The following PRSS12 variants were observed in gnomAD, a reference collection of about 807,000 sequenced individuals.
PRSS12 encodes neurotrypsin.
Under a neutral mutation model 104.4 loss-of-function variants are expected in PRSS12, and 85 were observed. The ratio of observed to expected loss-of-function variants is 0.81; its 90% CI spans 0.68 to 0.98. PRSS12 has a LOEUF of 0.98. Ranked by LOEUF, PRSS12 falls within the 50% of genes least tolerant of loss-of-function variation. The probability of loss-of-function intolerance (pLI) is 0.00; values close to 1 mark genes in which losing one functional copy is unlikely to be tolerated. For synonymous variants in PRSS12, 454 were observed against 425.2 expected (o/e 1.07, Z -0.83); for missense variants, 1,141 against 1,139.2 (o/e 1.00, Z -0.02).
chr4:118,282,266 T>C, intron 12 of PRSS12, 23 bp from the exon 13 acceptor site: 1 of 1,613,882 alleles, frequency 6.2e-7, no homozygotes, highest in Non-Finnish European at 8.5e-7. Context: ...AACATCTGAT[T>C]AGTGGCATTC....
chr4:118,330,812 C>T (rs1723898634), intron 4 of PRSS12, among the ~76,000 whole-genome samples: 1 of 152,046 alleles, frequency 6.6e-6, no homozygotes, highest in Non-Finnish European at 1.5e-5. Context: ...CTTTAAAATA[C>T]TTCAAATATA....
chr4:118,347,040 A>T (rs1274586888), intron 1 of PRSS12, among the ~76,000 whole-genome samples: 2 of 152,178 alleles, frequency 1.3e-5, no homozygotes, highest in African/African-American at 4.8e-5. Context: ...AATAGCTCAT[A>T]AAAGGCAATA....
chr4:118,343,464 A>T (rs1724267749), intron 1 of PRSS12, among the ~76,000 whole-genome samples: 1 of 152,182 alleles, frequency 6.6e-6, no homozygotes, highest in Non-Finnish European at 1.5e-5. Context: ...AGGAAACCTA[A>T]AAGAAATAGG....
At chr4:118,285,881 T>C (rs1028658805) in intron 11 of PRSS12, among the ~76,000 whole-genome samples, 3 of 152,190 alleles carry the variant, frequency 2.0e-5, no homozygotes, top group Admixed American at 6.6e-5. Context: ...TTTTCCATTC[T>C]GTAAGAAACA....
At chr4:118,320,832 G>C (rs1416595685) in intron 4 of PRSS12, among the ~76,000 whole-genome samples, 1 of 152,102 alleles carries the variant, frequency 6.6e-6, no homozygotes, top group Non-Finnish European at 1.5e-5. Flanking sequence ...CTCACTTTGA[G>C]TTTAAAATTC....
chr4:118,316,385 AT>A (rs1560775611), intron 5 of PRSS12, 62 bp from the exon 6 acceptor site: 3 of 1,600,554 alleles, frequency 1.9e-6, no homozygotes, highest in Non-Finnish European at 2.6e-6. Flanking sequence ...GCAAAACAAC[AT>A]TTGTATTTCA....
chr4:118,352,623 T>C lies in PRSS12; in HGVS notation c.98A>G (p.His33Arg). The C allele has an allele frequency of 6.2e-6, 10 of 1,611,234 alleles. No individual in the cohort carries two copies. Among genetic ancestry groups the C allele is most frequent in the Non-Finnish European group, 8.5e-6 (10 of 1,179,044 alleles). The change falls in exon 1 of 13, where the codon CAC becomes CGC. Residue 33 changes from histidine to arginine, a missense_variant. His to Arg is a conservative substitution (Grantham distance 29). Transcript: ENST00000296498. ...SVLNDSLHHS[H>R]RHSPPAGPHY... ...CGGACCCGCAGGGGGCGAATGGCGG[T>C]GGCTGTGGTGGAGGGAATCATTGAG...
rs1560768427 is a variant in PRSS12, at chr4:118,299,780, AAAATAAAATAAAAT to A, written c.1632-856_1632-843del. ...TAAATAAAATTAAATAAAATAAAAT[AAAATAAAATAAAAT>A]AAATAAAATAAAATAAATAAAATAA... On this transcript the variant is annotated intron_variant, in intron 8 of 12. Coordinates refer to ENST00000296498, the MANE Select transcript of PRSS12 (RefSeq NM_003619.4). 1.1e-4 allele frequency among the ~76,000 whole-genome samples: 8 copies of A among 73,276 alleles called. 1 individual carries two copies. The highest frequency in any genetic ancestry group is 2.9e-4 in the African/African-American group (7 of 24,500). The allele number at this position is 73,276 out of a possible 152,430, so 48.1% of individuals were successfully genotyped here. A position where few individuals can be genotyped will look rare whatever the true frequency, so the allele number is the denominator to read the frequency against.
At chr4:118,351,952 G>C (rs1413167659) in intron 1 of PRSS12, among the ~76,000 whole-genome samples, 1 of 152,038 alleles carries the variant, frequency 6.6e-6, no homozygotes. Flanking sequence ...CCAGAGGACA[G>C]AGCAAATTCA....
At chr4:118,327,505 C>A (rs570009331) in intron 4 of PRSS12, among the ~76,000 whole-genome samples, 1 of 152,016 alleles carries the variant, frequency 6.6e-6, no homozygotes, top group African/African-American at 2.4e-5. Flanking sequence ...TTCTACTACT[C>A]AATAATATGG....
At chr4:118,296,954 T>A (rs2126028611) in intron 9 of PRSS12, among the ~76,000 whole-genome samples, 1 of 152,284 alleles carries the variant, frequency 6.6e-6, no homozygotes, top group Middle Eastern at 3.4e-3. Context: ...AGGAATGATG[T>A]AATGTTTAAA....
chr4:118,334,857 T>C (rs1197751266), intron 3 of PRSS12, among the ~76,000 whole-genome samples: 1 of 152,154 alleles, frequency 6.6e-6, no homozygotes, highest in Non-Finnish European at 1.5e-5. Context: ...TACACCATGG[T>C]ACCCAGAAAA....
At chr4:118,322,227 T>A (rs187215820) in intron 4 of PRSS12, among the ~76,000 whole-genome samples, 1 of 152,194 alleles carries the variant, frequency 6.6e-6, no homozygotes, top group Non-Finnish European at 1.5e-5. Context: ...AGAAAAAATA[T>A]CCTCTCCCAG....
chr4:118,347,143 A>G (rs1250687501), intron 1 of PRSS12, among the ~76,000 whole-genome samples: 2 of 152,204 alleles, frequency 1.3e-5, no homozygotes, highest in Admixed American at 1.3e-4. Context: ...AGTATTTGAC[A>G]TCTGCCTTAG....
intron 5 of PRSS12, among the ~76,000 whole-genome samples, chr4:118,316,837 A>AAAAATATATATATATATATATATAT (rs35698159): frequency 2.0e-5 from 2 of 99,190 alleles, no homozygotes; most frequent in African/African-American, 3.5e-5. Flanking sequence ...AAAAAAAAAA[A>AAAAATATATATATATATATATATAT]ATATATATAT....
At chr4:118,299,541 A>G (rs1181331197) in intron 8 of PRSS12, among the ~76,000 whole-genome samples, 1 of 151,652 alleles carries the variant, frequency 6.6e-6, no homozygotes, top group South Asian at 2.1e-4. Context: ...TTAGCTGGGC[A>G]TGGTGGCACG....
chr4:118,305,861 T>C (rs985113625), intron 8 of PRSS12: 2 of 152,150 alleles, frequency 1.3e-5, no homozygotes, highest in Admixed American at 1.3e-4. Flanking sequence ...CTTCCATAAG[T>C]TTGACTATTT....
intron 4 of PRSS12, among the ~76,000 whole-genome samples, chr4:118,319,113 G>A (rs1158461171): frequency 3.3e-5 from 5 of 152,104 alleles, no homozygotes; most frequent in African/African-American, 1.2e-4. Flanking sequence ...AGGCTGGAGT[G>A]GTGTGGCATG....
At chr4:118,323,520 A>AGGAG (rs962372644) in intron 4 of PRSS12, among the ~76,000 whole-genome samples, 1 of 151,534 alleles carries the variant, frequency 6.6e-6, no homozygotes, top group Non-Finnish European at 1.5e-5. Flanking sequence ...GGAAGAGAGG[A>AGGAG]GGAGGGAGGG....
Sources: allele counts gnomAD v4.1 joint callset (sites outside exome capture counted in the v4.1 genomes callset), GRCh38; gene constraint gnomAD v4.1.1; transcripts MANE v1.5; gene names NCBI Gene and HGNC (gene_info 2026-07-23, HGNC 2026-07-21).